The following MTHFD2 variants were observed in gnomAD, a reference collection of about 807,000 sequenced individuals.
MTHFD2 encodes the protein methylenetetrahydrofolate dehydrogenase (NADP+ dependent) 2, methenyltetrahydrofolate cyclohydrolase.
Under a neutral mutation model 36.8 loss-of-function variants are expected in MTHFD2, and 26 were observed. The observed-to-expected ratio is 0.71, with a 90% CI of 0.52 to 0.98. MTHFD2 has a LOEUF of 0.98. MTHFD2 is among the 50% of genes least tolerant of loss of function. The pLI is 0.00. For missense variants in MTHFD2, 373 were observed against 434.0 expected (o/e 0.86, Z 1.25); for synonymous variants, 164 against 155.2 (o/e 1.06, Z -0.42).
intron 2 of MTHFD2, 161 bp downstream of exon 2, chr2:74,206,050 A>G (rs1371186878): frequency 1.2e-5 from 8 of 689,798 alleles, no homozygotes; most frequent in East Asian, 2.8e-5. Context: ...AAATCAGACT[A>G]TATCTTTCGG....
chr2:74,211,943 ACTTTT>A, intron 7 of MTHFD2, 77 bp downstream of exon 7: 4 of 690,834 alleles, frequency 5.8e-6, no homozygotes, highest in Non-Finnish European at 7.7e-6. Context: ...TAGATTATTT[ACTTTT>A]TTTTTTTTTT....
intron 1 of MTHFD2, among the ~76,000 whole-genome samples, chr2:74,200,737 A>G (rs1479353900): frequency 6.6e-6 from 1 of 152,172 alleles, no homozygotes; most frequent in East Asian, 1.9e-4. Context: ...AATAGTCCCA[A>G]GGTAACAGAG....
intron 2 of MTHFD2, chr2:74,206,530 T>G (rs1558854297): frequency 6.6e-6 from 1 of 152,306 alleles, no homozygotes; most frequent in Non-Finnish European, 1.5e-5. Flanking sequence ...TCTGTGGGCC[T>G]GTGGTCTGAG....
At chr2:74,208,840 TC>T in intron 4 of MTHFD2, 119 bp downstream of exon 4, 1 of 1,050,574 alleles carries the variant, frequency 9.5e-7, no homozygotes, top group Non-Finnish European at 1.4e-6. Context: ...CTAGTCTTAC[TC>T]CCCAAAGTTT....
intron 1 of MTHFD2, among the ~76,000 whole-genome samples, chr2:74,199,765 A>T (rs1213348629): frequency 6.6e-6 from 1 of 152,180 alleles, no homozygotes; most frequent in Non-Finnish European, 1.5e-5. Flanking sequence ...TTTTACCACA[A>T]TAACAAAATT....
At chr2:74,208,865 GT>G (rs550371266) in intron 4 of MTHFD2, 144 bp downstream of exon 4, 1,770 of 773,582 alleles carry the variant, frequency 2.3e-3, no homozygotes, top group South Asian at 3.4e-3. Context: ...TCTCTTAACA[GT>G]TTTTTTTTTG....
Position 74,211,849 on chromosome 2 carries a change from G to T in MTHFD2, c.872G>T (p.Gly291Val), listed in dbSNP as rs1471336772. Residue 291 changes from glycine (G) to valine (V), a missense_variant, in exon 7 of 8, where the codon GGA becomes GTA. Transcript: ENST00000394053. ...DPVTAKPKLV[G>V]DVDFEGVRQK... ...GTAACTGCCAAACCCAAGTTGGTTG[G>T]AGATGTGGATTTTGAAGGTAAATGG... is the stretch of plus-strand genomic sequence containing the variant. 2 of 1,609,422 alleles carry T rather than the reference G, an allele frequency of 1.2e-6. No individual in the cohort carries two copies. Among genetic ancestry groups the T allele is most frequent in the South Asian group, 2.2e-5 (2 of 90,392 alleles).
intron 4 of MTHFD2, 47 bp from the exon 5 acceptor site, chr2:74,209,895 C>T: frequency 6.5e-7 from 1 of 1,529,266 alleles, no homozygotes; most frequent in Non-Finnish European, 8.9e-7. Flanking sequence ...ACTTTGTTTT[C>T]CTTTGGACTG....
Position 74,209,925 on chromosome 2 carries a change from T to C in MTHFD2, c.563-17T>C. The C allele has an allele frequency of 6.2e-7, 1 of 1,602,884 alleles. No homozygotes were observed. The highest frequency in any genetic ancestry group is 1.7e-5 in the Admixed American group (1 of 58,718). On this transcript the variant is annotated splice_polypyrimidine_tract_variant and intron_variant, in intron 4 of 7. Transcript: ENST00000394053. ...GGACTGGCACTACTTTTAATGTCAA[T>C]ACATATATTTTTATAGGCATTCCAA...
chr2:74,212,603 T>A (rs1450075183), intron 7 of MTHFD2, among the ~76,000 whole-genome samples: 1 of 152,104 alleles, frequency 6.6e-6, no homozygotes, highest in Non-Finnish European at 1.5e-5. Flanking sequence ...AGAAACCTTT[T>A]TAAAATTATG....
chr2:74,207,816 G>A lies in MTHFD2; in HGVS notation c.399G>A (p.Leu133=). 3 of 1,577,816 alleles carry A rather than the reference G, an allele frequency of 1.9e-6. No individual in the cohort carries two copies. Among genetic ancestry groups the A allele is most frequent in the Non-Finnish European group, 2.6e-6 (3 of 1,152,558 alleles). Residue 133 remains leucine, a synonymous_variant, in exon 3 of 8, where the codon TTG becomes TTA. Coordinates refer to ENST00000394053, the MANE Select transcript of MTHFD2 (RefSeq NM_006636.4). ...DDNVDGLLVQ[L]PLPEHIDERR... ...ATGTAGATGGCCTCCTTGTTCAGTT[G>A]CCTCTTCCAGGTGAGTTTTGGACTC...
chr2:74,204,136 A>G (rs560742609), intron 1 of MTHFD2, among the ~76,000 whole-genome samples: 18 of 152,042 alleles, frequency 1.2e-4, no homozygotes, highest in African/African-American at 4.1e-4. Context: ...CTGGTCTGGA[A>G]CTCCTGACCT....
rs1273366979 is a variant in MTHFD2, at chr2:74,212,283, T to TC, written c.889+417_889+418insC. On this transcript the variant is annotated intron_variant, in intron 7 of 7. Coordinates refer to ENST00000394053, the MANE Select transcript of MTHFD2 (RefSeq NM_006636.4). The stretch of plus-strand genomic sequence containing the variant: ...TTTCTCTTTTTTTTTTTTTTTTTTT[T>TC]TTGAGACAGTCTCACTCTGTCACCC... Among the ~76,000 whole-genome samples the TC allele has an allele frequency of 8.5e-4, 111 of 130,504 alleles. 1 individual carries two copies. Among genetic ancestry groups the TC allele is most frequent in the African/African-American group, 3.0e-3 (101 of 33,878 alleles). 85.6% of individuals were successfully genotyped at this position (130,504 alleles called of 152,430 possible). A position where few individuals can be genotyped will look rare whatever the true frequency, so the allele number is the denominator to read the frequency against.
rs1260216219 is a variant in MTHFD2 at position 74,211,184 on chromosome 2, T to A, written c.671-15T>A. The A allele has an allele frequency of 1.3e-6, 2 of 1,549,542 alleles. No individual in the cohort carries two copies. Among genetic ancestry groups the A allele is most frequent in the Non-Finnish European group, 8.9e-7 (1 of 1,124,314 alleles). On this transcript the variant is annotated splice_polypyrimidine_tract_variant and intron_variant, in intron 5 of 7. Transcript: ENST00000394053. Reference sequence around the variant, plus strand: ...TTTGTGTCAGAAATCAAGACATCTATTTTTTTCTTTCTAGGTGATGCCACT... The same window carrying A: ...TTTGTGTCAGAAATCAAGACATCTAATTTTTTCTTTCTAGGTGATGCCACT...
chr2:74,202,526 T>A (rs2103807074), intron 1 of MTHFD2, among the ~76,000 whole-genome samples: 1 of 152,218 alleles, frequency 6.6e-6, no homozygotes. Flanking sequence ...ATTTTTTTTT[T>A]TTGAGATGGA....
At position 74,208,404 on chromosome 2, in the gene MTHFD2, A is replaced by C. The variant is rs147423421; in HGVS notation, c.410-165A>C. 3.9e-3 allele frequency among the ~76,000 whole-genome samples: 595 copies of C among 152,286 alleles called. 4 individuals are homozygous for C. The highest frequency in any genetic ancestry group is 7.9e-3 in the South Asian group (38 of 4,830). Reference sequence around the variant, plus strand: ...TGTGATAGACGATATTGGCTTTGCTATTGGTGTTTGGCTTTGCTTATGCGA... The same window carrying C: ...TGTGATAGACGATATTGGCTTTGCTCTTGGTGTTTGGCTTTGCTTATGCGA... On this transcript the variant is annotated intron_variant, in intron 3 of 7. Coordinates refer to ENST00000394053, the MANE Select transcript of MTHFD2 (RefSeq NM_006636.4).
intron 1 of MTHFD2, among the ~76,000 whole-genome samples, chr2:74,205,470 C>A (rs1360499915): frequency 6.6e-6 from 1 of 152,050 alleles, no homozygotes. Flanking sequence ...TTTCTATCAA[C>A]TTTATCCCCC....
chr2:74,208,835 C>A, intron 4 of MTHFD2, 114 bp downstream of exon 4: 1 of 1,092,234 alleles, frequency 9.2e-7, no homozygotes, highest in Non-Finnish European at 1.3e-6. Flanking sequence ...ATCCTCTAGT[C>A]TTACTCCCCA....
rs1436277424 is a variant in MTHFD2 at position 74,214,215 on chromosome 2, T to C, written c.1026T>C (p.Ser342=). ...LRLEEREVLK[S]KELGVATN The stretch of plus-strand genomic sequence containing the variant: ...TTGAAGAGCGAGAAGTGCTGAAGTC[T>C]AAAGAGCTTGGGGTAGCCACTAATT... Residue 342 remains serine (S), a synonymous_variant, in exon 8 of 8, where the codon TCT becomes TCC. Coordinates refer to ENST00000394053, the MANE Select transcript of MTHFD2 (RefSeq NM_006636.4). 20 of 1,613,922 alleles carry C rather than the reference T, an allele frequency of 1.2e-5. No individual in the cohort carries two copies. Among genetic ancestry groups the C allele is most frequent in the South Asian group, 7.7e-5 (7 of 91,074 alleles).
Sources: allele counts gnomAD v4.1 joint callset (sites outside exome capture counted in the v4.1 genomes callset), GRCh38; gene constraint gnomAD v4.1.1; transcripts MANE v1.5; gene names NCBI Gene and HGNC (gene_info 2026-07-23, HGNC 2026-07-21).